LRP1B: variants seen among roughly 807,000 people sequenced by gnomAD.
LRP1B encodes low-density lipoprotein receptor-related protein 1B.
Under a neutral mutation model 556.6 loss-of-function variants are expected in LRP1B, and 217 were observed. That is an observed-to-expected ratio of 0.39 (90% CI 0.35 to 0.44). The LOEUF is 0.44. Ranked by LOEUF, LRP1B falls within the 20% of genes least tolerant of loss-of-function variation. LRP1B has a pLI of 1.00. For missense variants in LRP1B, 5,053 were observed against 5,620.8 expected, an observed-to-expected ratio of 0.90 and a Z score of 3.23; for synonymous variants, 2,047 against 1,865.8, an observed-to-expected ratio of 1.10 and a Z score of -2.50.
At chr2:141,865,327 T>C (rs1286551088) in intron 1 of LRP1B, among the ~76,000 whole-genome samples, 1 of 151,926 alleles carries the variant, frequency 6.6e-6, no homozygotes, top group Non-Finnish European at 1.5e-5. Context: ...GCGCGGTGGC[T>C]CACGCCTGTA....
chr2:140,481,708 G>A (rs1173580578), intron 59 of LRP1B, among the ~76,000 whole-genome samples: 2 of 151,162 alleles, frequency 1.3e-5, no homozygotes, highest in African/African-American at 4.9e-5. Flanking sequence ...CATATTCTGG[G>A]GACAACTCCT....
At chr2:141,932,754 G>C (rs1359128399) in intron 1 of LRP1B, among the ~76,000 whole-genome samples, 1 of 151,692 alleles carries the variant, frequency 6.6e-6, no homozygotes, top group Admixed American at 6.6e-5. Context: ...TAAATGACCT[G>C]TTTCTTGAAG....
Position 140,371,277 on chromosome 2 carries a change from T to C in LRP1B, c.10777A>G (p.Thr3593Ala), listed in dbSNP as rs2105167123. The C allele has an allele frequency of 1.3e-6, 2 of 1,552,262 alleles. No homozygotes were observed. The highest frequency in any genetic ancestry group is 2.5e-5 in the South Asian group (2 of 81,016). ...CATATATATTCACGTGATGAGCAAG[T>C]AGGAGAAGCTGAATACAATTATAAA... ...DEKSCEPASP[T>A]CSSREYICAS... Residue 3593 changes from threonine to alanine, a missense_variant, in exon 70 of 91, where the codon ACT (threonine) becomes GCT (alanine). Thr to Ala is a moderately conservative substitution (Grantham distance 58). Coordinates refer to ENST00000389484, the MANE Select transcript of LRP1B (RefSeq NM_018557.3).
At chr2:141,371,773 T>C (rs958388271) in intron 3 of LRP1B, among the ~76,000 whole-genome samples, 1 of 152,086 alleles carries the variant, frequency 6.6e-6, no homozygotes, top group African/African-American at 2.4e-5. Flanking sequence ...TTTGGTGGAG[T>C]CTTTAGGTTT....
intron 2 of LRP1B, among the ~76,000 whole-genome samples, chr2:141,758,894 C>T (rs899961554): frequency 9.9e-5 from 15 of 151,952 alleles, no homozygotes; most frequent in African/African-American, 3.1e-4. Flanking sequence ...TTATTCTGTC[C>T]TTCAAATTTC....
At chr2:140,666,384 G>A (rs1685276918) in intron 41 of LRP1B, among the ~76,000 whole-genome samples, 1 of 151,882 alleles carries the variant, frequency 6.6e-6, no homozygotes, top group Non-Finnish European at 1.5e-5. Context: ...AGGAGTCTCG[G>A]CTTTTGATGA....
chr2:140,417,392 T>A (rs546641179), intron 66 of LRP1B, among the ~76,000 whole-genome samples: 2 of 152,326 alleles, frequency 1.3e-5, no homozygotes, highest in South Asian at 4.1e-4. Flanking sequence ...GACAAACTGC[T>A]GAAATAGCAG....
chr2:142,079,605 G>T (rs1208446161), intron 1 of LRP1B, among the ~76,000 whole-genome samples: 3 of 151,874 alleles, frequency 2.0e-5, no homozygotes, highest in Non-Finnish European at 4.4e-5. Context: ...CCTCCCAGGT[G>T]TTCACATGAT....
intron 1 of LRP1B, among the ~76,000 whole-genome samples, chr2:142,059,799 G>C (rs1704834474): frequency 6.6e-6 from 1 of 152,004 alleles, no homozygotes; most frequent in Non-Finnish European, 1.5e-5. Context: ...CAGCATTTCA[G>C]AAGAACAAAT....
At chr2:141,042,999 TG>T (rs1402489339) in intron 11 of LRP1B, among the ~76,000 whole-genome samples, 3 of 136,028 alleles carry the variant, frequency 2.2e-5, no homozygotes, top group Non-Finnish European at 4.7e-5. Flanking sequence ...TGCAACCAGC[TG>T]GGGCAACATG....
In LRP1B at chr2:140,837,958, T is replaced by C. The variant is rs543459579; in HGVS notation, c.5209+2033A>G. Among the ~76,000 whole-genome samples, 3 of 152,064 alleles carry C rather than the reference T, an allele frequency of 2.0e-5. No homozygotes were observed. In the East Asian group the frequency reaches 5.8e-4, roughly 29 times the overall value. On this transcript the variant is annotated intron_variant, in intron 31 of 90. Transcript: ENST00000389484. ...TAAAGTATAATTAAAAAAAAATATA[T>C]CACTTGGTGAACAACATCTGAGGGG...
In LRP1B at chr2:141,059,740, G is replaced by C. The variant is rs1699286531; in HGVS notation, c.1237-686C>G. ...ATCCATATACTTAGTTAACAGTCCA[G>C]CTCTTCTCTTTGGCAAAGGTCTTAG... On this transcript the variant is annotated intron_variant, in intron 8 of 90. Transcript: ENST00000389484. Among the ~76,000 whole-genome samples the C allele has an allele frequency of 3.3e-5, 5 of 151,782 alleles. No individual in the cohort carries two copies. The South Asian group carries it at 1.0e-3, about 31-fold the overall frequency.
At chr2:141,810,866 C>T (rs1011866398) in intron 1 of LRP1B, among the ~76,000 whole-genome samples, 1 of 151,828 alleles carries the variant, frequency 6.6e-6, no homozygotes, top group Non-Finnish European at 1.5e-5. Context: ...CTTAACCATC[C>T]ATCCTGATAC....
At position 141,142,921 on chromosome 2, in the gene LRP1B, C is replaced by CTTTTT. The variant is rs35543111; in HGVS notation, c.1013+45495_1013+45499dup. ...AACAGATTAACAAATTGTCTGATTACTTTTTTTTTTTTTTTTTTTTTTGAG... is the reference window on the plus strand; with the variant it reads ...AACAGATTAACAAATTGTCTGATTACTTTTTTTTTTTTTTTTTTTTTTTTTTTGAG... On this transcript the variant is annotated intron_variant, in intron 7 of 90. Transcript: ENST00000389484. 7.5e-3 allele frequency among the ~76,000 whole-genome samples: 764 copies of CTTTTT among 101,416 alleles called. 41 individuals carry two copies. The highest frequency in any genetic ancestry group is 0.023 in the African/African-American group (585 of 25,210). 66.5% of individuals were successfully genotyped at this position (101,416 alleles called of 152,430 possible).
chr2:142,077,875 A>C (rs1450208941), intron 1 of LRP1B, among the ~76,000 whole-genome samples: 1 of 152,146 alleles, frequency 6.6e-6, no homozygotes, highest in Admixed American at 6.6e-5. Flanking sequence ...TGAAACTAAA[A>C]TATGTTTGCC....
At chr2:141,068,649 T>C (rs1699550306) in intron 7 of LRP1B, among the ~76,000 whole-genome samples, 1 of 151,882 alleles carries the variant, frequency 6.6e-6, no homozygotes, top group Non-Finnish European at 1.5e-5. Context: ...GTTGCCAGCA[T>C]TCACCCATGC....
At chr2:141,520,366 GC>G (rs1559118712) in intron 2 of LRP1B, among the ~76,000 whole-genome samples, 1 of 152,078 alleles carries the variant, frequency 6.6e-6, no homozygotes, top group Non-Finnish European at 1.5e-5. Flanking sequence ...AAAACAAAAG[GC>G]CCTGACTAAA....
chr2:141,469,253 ATTGT>A (rs1682363859), intron 3 of LRP1B, among the ~76,000 whole-genome samples: 1 of 152,364 alleles, frequency 6.6e-6, no homozygotes, highest in East Asian at 1.9e-4. Context: ...AAAAGAAATA[ATTGT>A]TTGATCTGAT....
At chr2:140,762,589 A>G (rs1180916279) in intron 35 of LRP1B, among the ~76,000 whole-genome samples, 1 of 152,058 alleles carries the variant, frequency 6.6e-6, no homozygotes, top group Non-Finnish European at 1.5e-5. Flanking sequence ...TTCTAAAAAT[A>G]CTAAGGAATT....
Sources: allele counts gnomAD v4.1 joint callset (sites outside exome capture counted in the v4.1 genomes callset), GRCh38; gene constraint gnomAD v4.1.1; transcripts MANE v1.5; gene names NCBI Gene and HGNC (gene_info 2026-07-23, HGNC 2026-07-21).